The following SIAH1 variants were observed in gnomAD, a reference collection of about 807,000 sequenced individuals.
SIAH1 encodes the protein E3 ubiquitin-protein ligase SIAH1.
Under a neutral mutation model 20.0 loss-of-function variants are expected in SIAH1, and 2 were observed. That is an observed-to-expected ratio of 0.10 (90% CI 0.04 to 0.31). The LOEUF is 0.31. Ranked by LOEUF, SIAH1 falls within the 10% of genes least tolerant of loss-of-function variation. SIAH1 has a pLI of 1.00. For missense variants in SIAH1, 119 were observed against 355.3 expected (o/e 0.33, Z 5.35); for synonymous variants, 118 against 125.3 (o/e 0.94, Z 0.39).
At position 48,362,481 on chromosome 16, in the gene SIAH1, T is replaced by G. The variant is rs754813605; in HGVS notation, c.-2-51A>C. ...GAGAAAAATAATTATAACCATGACT[T>G]ACTTTATAAATAATGTTTACATGCC... is the stretch of plus-strand genomic sequence containing the variant. On this transcript the variant is annotated intron_variant, in intron 1 of 1. Transcript: ENST00000394725. The surrounding 1 kb of genome is among the most constrained non-coding windows in gnomAD (Gnocchi z 4.2). The G allele has an allele frequency of 1.5e-5, 23 of 1,579,950 alleles. No individual in the cohort carries two copies. The highest frequency in any genetic ancestry group is 6.9e-5 in the Admixed American group (4 of 58,218).
At chr16:48,374,156 A>C (rs1223832096) in intron 1 of SIAH1, among the ~76,000 whole-genome samples, 2 of 152,168 alleles carry the variant, frequency 1.3e-5, no homozygotes, top group Non-Finnish European at 2.9e-5. Context: ...TAATTCACTT[A>C]TTATTTTTTA....
At chr16:48,363,475 G>A (rs1333261447) in intron 1 of SIAH1, 4 of 167,048 alleles carry the variant, frequency 2.4e-5, no homozygotes, top group African/African-American at 9.6e-5. Flanking sequence ...AGGCATGGGA[G>A]AAATGGAGGG....
chr16:48,381,253 G>A (rs1454278146), intron 1 of SIAH1, among the ~76,000 whole-genome samples: 1 of 152,078 alleles, frequency 6.6e-6, no homozygotes, highest in Non-Finnish European at 1.5e-5. Context: ...ACTGAGGCAC[G>A]AGAATCACTT....
chr16:48,366,888 ACAGT>A (rs1363093473), intron 1 of SIAH1, among the ~76,000 whole-genome samples: 4 of 152,288 alleles, frequency 2.6e-5, no homozygotes, highest in South Asian at 2.1e-4. Flanking sequence ...GAAAATAGAC[ACAGT>A]CAGCCCCACA....
chr16:48,380,135 A>C (rs1324161531), intron 1 of SIAH1, among the ~76,000 whole-genome samples: 1 of 152,250 alleles, frequency 6.6e-6, no homozygotes, highest in Admixed American at 6.5e-5. Flanking sequence ...CTAAAAAAGA[A>C]CTGTTATCCA....
intron 1 of SIAH1, among the ~76,000 whole-genome samples, chr16:48,380,928 C>CAAAAAAAAAAAAAA (rs59376248): frequency 0.34 from 15,003 of 44,394 alleles, 5,983 homozygotes; most frequent in East Asian, 0.53. Context: ...GACTCCGTCT[C>CAAAAAAAAAAAAAA]AAAAAAAAAA....
chr16:48,384,589 A>G (rs1308572358), intron 1 of SIAH1, among the ~76,000 whole-genome samples: 1 of 152,066 alleles, frequency 6.6e-6, no homozygotes, highest in Non-Finnish European at 1.5e-5. Flanking sequence ...CCCACTGCAC[A>G]ATGAAGCCTC....
chr16:48,386,273 G>T (rs1307113103), upstream of SIAH1, among the ~76,000 whole-genome samples: 2 of 152,156 alleles, frequency 1.3e-5, no homozygotes, highest in South Asian at 2.1e-4. Context: ...TAGGGAGGCC[G>T]AGGCCGATGG....
At chr16:48,377,743 G>A (rs1442037992) in intron 1 of SIAH1, among the ~76,000 whole-genome samples, 1 of 151,868 alleles carries the variant, frequency 6.6e-6, no homozygotes, top group Non-Finnish European at 1.5e-5. Flanking sequence ...ATACTGGTCA[G>A]AAAGTATTTG....
At chr16:48,376,765 A>G (rs989433894) in intron 1 of SIAH1, among the ~76,000 whole-genome samples, 1 of 152,250 alleles carries the variant, frequency 6.6e-6, no homozygotes, top group Non-Finnish European at 1.5e-5. Context: ...CTGTATAGAC[A>G]AGATATCCGA....
In SIAH1 at chr16:48,362,042, C is replaced by A. The variant is rs377037248; in HGVS notation, c.387G>T (p.Pro129=). The A allele has an allele frequency of 1.5e-4, 250 of 1,614,054 alleles. No individual in the cohort carries two copies. The highest frequency in any genetic ancestry group is 2.1e-4 in the Non-Finnish European group (242 of 1,180,036). ...GCCATTTACAGGAAGCACCAGGGCA[C>A]GGACAGGAATAAGGCCTAAACTCAC... ...ELCEFRPYSC[P]CPGASCKWQG... The change falls in exon 2 of 2, where the codon CCG becomes CCT. Residue 129 remains proline, a synonymous_variant. Coordinates refer to ENST00000394725, the MANE Select transcript of SIAH1 (RefSeq NM_003031.4). The surrounding 1 kb of genome is among the most constrained non-coding windows in gnomAD (Gnocchi z 4.2).
In SIAH1 at chr16:48,384,410, G is replaced by A. The variant is rs139326359; in HGVS notation, c.-3+794C>T. ...CGAACCTACGCATCGGAGTGGCCCA[G>A]GTTATTCACTTTAAGTTATAAATTT... is the stretch of plus-strand genomic sequence containing the variant. On this transcript the variant is annotated intron_variant, in intron 1 of 1. Coordinates refer to ENST00000394725, the MANE Select transcript of SIAH1 (RefSeq NM_003031.4). 2.2e-4 allele frequency among the ~76,000 whole-genome samples: 34 copies of A among 152,246 alleles called. No individual in the cohort carries two copies. In the East Asian group the frequency reaches 6.4e-3, roughly 29 times the overall value.
chr16:48,377,233 C>G (rs1961132247), intron 1 of SIAH1, among the ~76,000 whole-genome samples: 1 of 151,650 alleles, frequency 6.6e-6, no homozygotes, highest in Non-Finnish European at 1.5e-5. Context: ...CTGTTCAAAA[C>G]AAAAACGAAT....
chr16:48,381,951 A>C lies in SIAH1; in HGVS notation c.-3+3253T>G, dbSNP rs4785517. Reference sequence around the variant, plus strand: ...TGATAATGGAGGAGGTTACACGTGTAGGGGCAGGGGCTACACGCGAAATCT... The same window carrying C: ...TGATAATGGAGGAGGTTACACGTGTCGGGGCAGGGGCTACACGCGAAATCT... On this transcript the variant is annotated intron_variant, in intron 1 of 1. Coordinates refer to ENST00000394725, the MANE Select transcript of SIAH1 (RefSeq NM_003031.4). 7.3e-3 allele frequency among the ~76,000 whole-genome samples: 1,110 copies of C among 152,282 alleles called. 14 individuals carry two copies. The highest frequency in any genetic ancestry group is 0.025 in the African/African-American group (1,045 of 41,558).
intron 1 of SIAH1, 40 bp downstream of exon 1, chr16:48,385,164 C>T (rs1291919062): frequency 4.2e-6 from 1 of 237,828 alleles, no homozygotes; most frequent in South Asian, 3.4e-5. Context: ...TCGGAGAGCC[C>T]CTCGCCGCCG....
In SIAH1 at chr16:48,361,038, AG is replaced by A; in HGVS notation, c.*541del. 6.6e-6 allele frequency: 1 copy of A among 152,664 alleles called. No homozygotes were observed. The highest frequency in any genetic ancestry group is 1.9e-4 in the East Asian group (1 of 5,194). 9.5% of individuals were successfully genotyped at this position (152,664 alleles called of 1,614,324 possible). ...ACTAACTTTAAAATGGTACAAAAAA[AG>A]GAAAAACCTGAATTACAGAAAAGTC... On this transcript the variant is annotated 3_prime_UTR_variant, in exon 2 of 2. Coordinates refer to ENST00000394725, the MANE Select transcript of SIAH1 (RefSeq NM_003031.4).
chr16:48,367,176 G>A (rs902534756), intron 1 of SIAH1, among the ~76,000 whole-genome samples: 3 of 152,228 alleles, frequency 2.0e-5, no homozygotes, highest in African/African-American at 7.2e-5. Flanking sequence ...CTGAGCCACT[G>A]TGCCCAGTCT....
At chr16:48,380,616 ATTTAAAAC>A (rs1156987448) in intron 1 of SIAH1, among the ~76,000 whole-genome samples, 3 of 151,966 alleles carry the variant, frequency 2.0e-5, no homozygotes, top group Non-Finnish European at 4.4e-5. Context: ...GGAAATGCAA[ATTTAAAAC>A]AGTAAGATAC....
rs190813686 is a variant in SIAH1 at position 48,374,901 on chromosome 16, C to T, written c.-3+10303G>A. Reference sequence around the variant, plus strand: ...GGAATGTAGGAATGAGAAGGGTATGCACATGTGATGGGGGCAAGAAGAGTT... The same window carrying T: ...GGAATGTAGGAATGAGAAGGGTATGTACATGTGATGGGGGCAAGAAGAGTT... On this transcript the variant is annotated intron_variant, in intron 1 of 1. Coordinates refer to ENST00000394725, the MANE Select transcript of SIAH1 (RefSeq NM_003031.4). Among the ~76,000 whole-genome samples the T allele has an allele frequency of 1.2e-3, 179 of 152,204 alleles. 1 individual carries two copies. The highest frequency in any genetic ancestry group is 4.2e-3 in the African/African-American group (175 of 41,520).
Sources: gnomAD v4.1 joint callset for allele counts (sites outside exome capture counted in the v4.1 genomes callset) on GRCh38, gnomAD v4.1.1 for gene constraint, Gnocchi (gnomAD v3.1) non-coding constraint, MANE v1.5 for transcripts, NCBI Gene and HGNC (gene_info 2026-07-23, HGNC 2026-07-21) for gene names.